The following WDFY1 variants were observed in gnomAD, a reference collection of about 807,000 sequenced individuals.
The protein encoded by WDFY1 is WD repeat and FYVE domain containing 1.
Under a neutral mutation model 56.4 loss-of-function variants are expected in WDFY1, and 32 were observed. The observed-to-expected ratio is 0.57, with a 90% CI of 0.43 to 0.76. The LOEUF (loss-of-function observed/expected upper bound fraction) is 0.76. Among genes scored for constraint, WDFY1 ranks in the 30% least tolerant of loss-of-function variants. The probability of loss-of-function intolerance (pLI) is 0.00; values close to 1 mark genes in which losing one functional copy is unlikely to be tolerated. For synonymous variants in WDFY1, 192 were observed against 197.3 expected, an observed-to-expected ratio of 0.97 and a Z score of 0.23; for missense variants, 480 against 545.7, an observed-to-expected ratio of 0.88 and a Z score of 1.20.
At chr2:223,923,848 C>A (rs1693932481) in intron 1 of WDFY1, among the ~76,000 whole-genome samples, 1 of 152,170 alleles carries the variant, frequency 6.6e-6, no homozygotes, top group African/African-American at 2.4e-5. Context: ...ACAATATTTT[C>A]TGTCTAGATT....
intron 1 of WDFY1, among the ~76,000 whole-genome samples, chr2:223,923,727 C>T (rs1370841005): frequency 6.6e-6 from 1 of 152,024 alleles, no homozygotes; most frequent in Non-Finnish European, 1.5e-5. Context: ...CGCCACTGCA[C>T]TCCAGCCTGG....
intron 1 of WDFY1, among the ~76,000 whole-genome samples, chr2:223,924,368 C>T (rs1024128141): frequency 1.3e-5 from 2 of 152,122 alleles, no homozygotes; most frequent in Non-Finnish European, 2.9e-5. Flanking sequence ...ACTACCATCA[C>T]TTTATTTATT....
chr2:223,889,614 C>T (rs1693232937), intron 8 of WDFY1, among the ~76,000 whole-genome samples: 1 of 152,216 alleles, frequency 6.6e-6, no homozygotes, highest in Non-Finnish European at 1.5e-5. Context: ...CTTCACCTTC[C>T]ACCATGATTG....
At chr2:223,901,566 G>C (rs562944404) in intron 4 of WDFY1, among the ~76,000 whole-genome samples, 1 of 152,122 alleles carries the variant, frequency 6.6e-6, no homozygotes, top group East Asian at 1.9e-4. Flanking sequence ...ATGGCCACCA[G>C]AAGCTAGGAA....
At position 223,906,955 on chromosome 2, in the gene WDFY1, C is replaced by CATTATT. The variant is rs60121017; in HGVS notation, c.280-960_280-955dup. Among the ~76,000 whole-genome samples, 37 of 65,814 alleles carry CATTATT rather than the reference C, an allele frequency of 5.6e-4. No homozygotes were observed. The East Asian group carries it at 6.7e-3, about 12-fold the overall frequency. The allele number at this position is 65,814 out of a possible 152,430, so 43.2% of individuals were successfully genotyped here. Reference sequence around the variant, plus strand: ...AAGAAAAATCACGAATTACTACTACCATTATTATTATTATTATTATTATTA... The same window carrying CATTATT: ...AAGAAAAATCACGAATTACTACTACCATTATTATTATTATTATTATTATTATTATTA... On this transcript the variant is annotated intron_variant, in intron 3 of 11. Transcript: ENST00000233055.
intron 1 of WDFY1, among the ~76,000 whole-genome samples, chr2:223,926,795 G>GC (rs1384881267): frequency 2.0e-5 from 3 of 152,128 alleles, no homozygotes; most frequent in Non-Finnish European, 4.4e-5. Flanking sequence ...AGCCTCCTGA[G>GC]CAGCTGGACT....
intron 6 of WDFY1, among the ~76,000 whole-genome samples, chr2:223,896,338 C>T (rs967238503): frequency 1.5e-4 from 3 of 19,496 alleles, no homozygotes; most frequent in South Asian, 6.3e-3. Flanking sequence ...CCAACCTACA[C>T]AAGATAAAAA....
At position 223,877,088 on chromosome 2, in the gene WDFY1, T is replaced by C. The variant is rs993352752; in HGVS notation, c.*1583A>G. 1 of 152,216 alleles carries C rather than the reference T, an allele frequency of 6.6e-6. No individual in the cohort carries two copies. The highest frequency in any genetic ancestry group is 1.9e-4 in the East Asian group (1 of 5,200). 9.4% of individuals were successfully genotyped at this position (152,216 alleles called of 1,614,324 possible). On this transcript the variant is annotated 3_prime_UTR_variant, in exon 12 of 12. Transcript: ENST00000233055. ...AGTCTTATTTCTGAAGACAAGTCTA[T>C]GTTTAATGCAGATCATTCCAGTACA...
intron 1 of WDFY1, among the ~76,000 whole-genome samples, chr2:223,941,311 C>A (rs981874700): frequency 3.3e-5 from 5 of 151,950 alleles, no homozygotes; most frequent in African/African-American, 1.2e-4. Flanking sequence ...GACACTGGGT[C>A]CTTCTAGCTC....
At chr2:223,885,805 C>T (rs966405046) in intron 8 of WDFY1, among the ~76,000 whole-genome samples, 2 of 152,036 alleles carry the variant, frequency 1.3e-5, no homozygotes, top group African/African-American at 2.4e-5. Flanking sequence ...GCAGATTTGC[C>T]CCCCTTCCCT....
chr2:223,887,596 CTTTCT>C (rs1170293935), intron 8 of WDFY1, among the ~76,000 whole-genome samples: 7 of 152,204 alleles, frequency 4.6e-5, no homozygotes, highest in Admixed American at 6.5e-5. Context: ...AAATTCACTT[CTTTCT>C]TTTGTCTACA....
intron 1 of WDFY1, among the ~76,000 whole-genome samples, chr2:223,939,336 C>CA (rs1361958630): frequency 6.6e-6 from 1 of 152,128 alleles, no homozygotes; most frequent in Non-Finnish European, 1.5e-5. Context: ...TGGGGTTTCT[C>CA]AATATCAGCA....
rs74382617 is a variant in WDFY1, at chr2:223,912,953, T to C, written c.206-627A>G. Among the ~76,000 whole-genome samples the C allele has an allele frequency of 1.6e-4, 25 of 152,100 alleles. No homozygotes were observed. In the East Asian group the frequency reaches 4.2e-3, roughly 26 times the overall value. ...TAAAGTGATTTATAAATTGGAACAT[T>C]TGGAAAAAAAATGTGGGTTTGTTTC... is the stretch of plus-strand genomic sequence containing the variant. On this transcript the variant is annotated intron_variant, in intron 2 of 11. Coordinates refer to ENST00000233055, the MANE Select transcript of WDFY1 (RefSeq NM_020830.5).
intron 5 of WDFY1, among the ~76,000 whole-genome samples, chr2:223,899,900 T>C (rs976566742): frequency 6.6e-6 from 1 of 152,258 alleles, no homozygotes; most frequent in Non-Finnish European, 1.5e-5. Context: ...CATGTTTCTT[T>C]TGGCCTAGAG....
intron 2 of WDFY1, among the ~76,000 whole-genome samples, chr2:223,917,670 T>G (rs775205556): frequency 7.2e-5 from 11 of 152,126 alleles, no homozygotes; most frequent in Non-Finnish European, 1.5e-4. Context: ...AACTCCAGAT[T>G]TAAGTGATTC....
intron 4 of WDFY1, among the ~76,000 whole-genome samples, chr2:223,901,825 T>C (rs1693511961): frequency 6.6e-6 from 1 of 152,190 alleles, no homozygotes; most frequent in African/African-American, 2.4e-5. Context: ...TAAAAAATGG[T>C]GTTATGTGTT....
At chr2:223,880,801 A>C (rs1278023863) in intron 10 of WDFY1, among the ~76,000 whole-genome samples, 2 of 151,356 alleles carry the variant, frequency 1.3e-5, no homozygotes, top group African/African-American at 2.4e-5. Context: ...ATACATTCCT[A>C]GATATAAAAA....
intron 5 of WDFY1, among the ~76,000 whole-genome samples, chr2:223,900,560 T>C (rs1403173746): frequency 6.6e-6 from 1 of 152,130 alleles, no homozygotes; most frequent in Non-Finnish European, 1.5e-5. Context: ...AGGAATTTTT[T>C]AGGCCGTGAT....
chr2:223,890,653 T>C (rs1258879452), intron 8 of WDFY1, among the ~76,000 whole-genome samples: 2 of 152,196 alleles, frequency 1.3e-5, no homozygotes, highest in African/African-American at 2.4e-5. Context: ...GTTATTATAA[T>C]TGCTTCACTC....
Sources: allele counts gnomAD v4.1 joint callset (sites outside exome capture counted in the v4.1 genomes callset), GRCh38; gene constraint gnomAD v4.1.1; transcripts MANE v1.5; gene names NCBI Gene and HGNC (gene_info 2026-07-23, HGNC 2026-07-21).